GFOD1: variants seen among roughly 807,000 people sequenced by gnomAD.
The protein encoded by GFOD1 is Gfo/Idh/MocA-like oxidoreductase domain containing 1, also known as glucose-fructose oxidoreductase domain-containing protein 1.
In GFOD1, 9 loss-of-function variants were observed where a neutral mutation model predicts 25.4. That is an observed-to-expected ratio of 0.35 (90% CI 0.21 to 0.62). GFOD1 has a LOEUF of 0.62. GFOD1 is among the 20% of genes least tolerant of loss of function. The pLI, the probability that GFOD1 is intolerant of heterozygous loss-of-function variation, is 0.72. For synonymous variants in GFOD1, 253 were observed against 245.6 expected (o/e 1.03, Z -0.28); for missense variants, 403 against 556.9 (o/e 0.72, Z 2.78).
At chr6:13,389,284 A>T (rs531570237) in intron 1 of GFOD1, among the ~76,000 whole-genome samples, 1 of 152,336 alleles carries the variant, frequency 6.6e-6, no homozygotes, top group South Asian at 2.1e-4. Flanking sequence ...AAGGATTATA[A>T]ATCAAGCTAC....
At chr6:13,436,363 A>C (rs1455462313) in intron 1 of GFOD1, among the ~76,000 whole-genome samples, 1 of 152,250 alleles carries the variant, frequency 6.6e-6, no homozygotes, top group Non-Finnish European at 1.5e-5. Flanking sequence ...CATTCCCCAA[A>C]TAAAACAGTT....
intron 1 of GFOD1, among the ~76,000 whole-genome samples, chr6:13,444,388 C>CA (rs112422613): frequency 0.027 from 3,255 of 120,576 alleles, 96 homozygotes; most frequent in African/African-American, 0.077. Flanking sequence ...GGGAGAGAAG[C>CA]AAAAAAAAAA....
intron 1 of GFOD1, chr6:13,470,041 C>T: frequency 7.3e-7 from 1 of 1,373,706 alleles, no homozygotes; most frequent in Non-Finnish European, 9.7e-7. Flanking sequence ...GAGAATATTT[C>T]CTTACACATT....
At position 13,430,125 on chromosome 6, in the gene GFOD1, G is replaced by A. The variant is rs1466317312; in HGVS notation, c.253+56513C>T. 6.6e-6 allele frequency among the ~76,000 whole-genome samples: 1 copy of A among 152,168 alleles called. No homozygotes were observed. The highest frequency in any genetic ancestry group is 1.5e-5 in the Non-Finnish European group (1 of 68,014). ...CACAGCTTCTGTGTAGCTGCACTCT[G>A]TAGGAATGCTTGCTTTTAAAATCCA... On this transcript the variant is annotated intron_variant, in intron 1 of 1. Coordinates refer to ENST00000379287, the MANE Select transcript of GFOD1 (RefSeq NM_018988.4). The surrounding 1 kb of genome is among the most constrained non-coding windows in gnomAD (Gnocchi z 4.1).
At chr6:13,471,213 C>T (rs2560814) in intron 1 of GFOD1, among the ~76,000 whole-genome samples, 135,216 of 152,144 alleles carry the variant, frequency 0.89, 60,343 homozygotes, top group Middle Eastern at 0.96. Flanking sequence ...CAGGTGTTCT[C>T]GAAAGTTCTT....
intron 1 of GFOD1, among the ~76,000 whole-genome samples, chr6:13,449,645 T>C (rs1758061159): frequency 6.6e-6 from 1 of 152,176 alleles, no homozygotes. Context: ...CCCCATATTG[T>C]TCTCATGGTA....
intron 1 of GFOD1, among the ~76,000 whole-genome samples, chr6:13,393,840 T>C (rs1479098300): frequency 5.4e-5 from 8 of 147,934 alleles, no homozygotes; most frequent in African/African-American, 1.3e-4. Context: ...AGTACAGTGG[T>C]GCGATCTCGG....
chr6:13,381,862 G>C (rs1376255583), intron 1 of GFOD1, among the ~76,000 whole-genome samples: 1 of 150,494 alleles, frequency 6.6e-6, no homozygotes, highest in Non-Finnish European at 1.5e-5. Context: ...CAATCACACT[G>C]AAGTCTAAAA....
At position 13,363,555 on chromosome 6, in the gene GFOD1, CTTTTTTTTTTTTTTTTTTTTT is replaced by C. The variant is rs72062296; in HGVS notation, c.*1167_*1187del. ...GCAAATGCTGGAGCTAAGGAAAATC[CTTTTTTTTTTTTTTTTTTTTT>C]TTTTTTTTGTAAGGAAAGAGGATTC... On this transcript the variant is annotated 3_prime_UTR_variant, in exon 2 of 2. Coordinates refer to ENST00000379287, the MANE Select transcript of GFOD1 (RefSeq NM_018988.4). The C allele has an allele frequency of 7.6e-5, 6 of 78,940 alleles. No homozygotes were observed. The highest frequency in any genetic ancestry group is 1.4e-4 in the Non-Finnish European group (6 of 43,052). 4.9% of individuals were successfully genotyped at this position (78,940 alleles called of 1,614,324 possible).
chr6:13,483,405 A>ACGTGAGG (rs1321172918), intron 1 of GFOD1, among the ~76,000 whole-genome samples: 2 of 152,184 alleles, frequency 1.3e-5, no homozygotes, highest in African/African-American at 4.8e-5. Context: ...GGCCACCAGG[A>ACGTGAGG]CGTGAGGCTG....
intron 1 of GFOD1, among the ~76,000 whole-genome samples, chr6:13,427,747 T>G (rs1332598488): frequency 6.6e-6 from 1 of 152,216 alleles, no homozygotes; most frequent in Non-Finnish European, 1.5e-5. Context: ...GATTATCCCA[T>G]GCGATAATAA....
intron 1 of GFOD1, among the ~76,000 whole-genome samples, chr6:13,467,936 T>C (rs2127576689): frequency 6.6e-6 from 1 of 152,280 alleles, no homozygotes; most frequent in Admixed American, 6.5e-5. Context: ...ATTTTTGCCC[T>C]GTGAAAAACA....
At chr6:13,472,917 G>A (rs1758539943) in intron 1 of GFOD1, among the ~76,000 whole-genome samples, 1 of 152,168 alleles carries the variant, frequency 6.6e-6, no homozygotes, top group African/African-American at 2.4e-5. Flanking sequence ...TTCCACCACT[G>A]TGGCCTCTTC....
chr6:13,425,809 T>G (rs1362128782), intron 1 of GFOD1, among the ~76,000 whole-genome samples: 1 of 147,934 alleles, frequency 6.8e-6, no homozygotes. Flanking sequence ...TGGGCCACAT[T>G]GGAAGAAGAA....
chr6:13,371,924 C>T (rs73723285), intron 1 of GFOD1, among the ~76,000 whole-genome samples: 4,334 of 152,238 alleles, frequency 0.028, 172 homozygotes, highest in African/African-American at 0.092. Context: ...AGTGTGACCA[C>T]GGGTGAGTGG....
chr6:13,486,108 G>A, intron 1 of GFOD1: 1 of 986,364 alleles, frequency 1.0e-6, no homozygotes, highest in Non-Finnish European at 1.2e-6. Context: ...CTAGCAGGGC[G>A]CCACCGCTGC....
At chr6:13,368,300 G>C (rs1309899860) in intron 1 of GFOD1, among the ~76,000 whole-genome samples, 1 of 152,228 alleles carries the variant, frequency 6.6e-6, no homozygotes, top group Non-Finnish European at 1.5e-5. Context: ...AGCTGGGCTG[G>C]TGCCCCTGAT....
Position 13,364,953 on chromosome 6 carries a change from G to A in GFOD1, c.963C>T (p.Asp321=), listed in dbSNP as rs745640041. Reference sequence around the variant, plus strand: ...GCCGCCCATCCCACGTGCGCCGGTCGTCCTGGTCCTGGAAGGCCTGGCGCA... The same window carrying A: ...GCCGCCCATCCCACGTGCGCCGGTCATCCTGGTCCTGGAAGGCCTGGCGCA... ...QAVRQAFQDQ[D]DRRTWDGRPL... Residue 321 remains aspartate (D), a synonymous_variant, in exon 2 of 2, where the codon GAC becomes GAT. Coordinates refer to ENST00000379287, the MANE Select transcript of GFOD1 (RefSeq NM_018988.4). The surrounding 1 kb of genome is among the most constrained non-coding windows in gnomAD (Gnocchi z 4.1). The A allele has an allele frequency of 1.7e-5, 27 of 1,610,432 alleles. No individual in the cohort carries two copies. Among genetic ancestry groups the A allele is most frequent in the East Asian group, 2.2e-5 (1 of 44,858 alleles).
chr6:13,376,976 G>A (rs1331017679), intron 1 of GFOD1, among the ~76,000 whole-genome samples: 1 of 151,384 alleles, frequency 6.6e-6, no homozygotes, highest in African/African-American at 2.4e-5. Context: ...GGTGGGTTGT[G>A]CTTTAGTGAA....
Sources: gnomAD v4.1 joint callset for allele counts (sites outside exome capture counted in the v4.1 genomes callset) on GRCh38, gnomAD v4.1.1 for gene constraint, Gnocchi (gnomAD v3.1) non-coding constraint, MANE v1.5 for transcripts, NCBI Gene and HGNC (gene_info 2026-07-23, HGNC 2026-07-21) for gene names.